The following PRKCQ variants were observed in gnomAD, a reference collection of about 807,000 sequenced individuals.
The protein encoded by PRKCQ is protein kinase C theta type.
Under a neutral mutation model 91.2 loss-of-function variants are expected in PRKCQ, and 41 were observed. That is an observed-to-expected ratio of 0.45 (90% CI 0.35 to 0.58). PRKCQ has a LOEUF of 0.58. Ranked by LOEUF, PRKCQ falls within the 20% of genes least tolerant of loss-of-function variation. The pLI is 0.00. For synonymous variants in PRKCQ, 307 were observed against 316.9 expected (o/e 0.97, Z 0.33); for missense variants, 673 against 896.5 (o/e 0.75, Z 3.18).
intron 1 of PRKCQ, among the ~76,000 whole-genome samples, chr10:6,518,533 T>C (rs915655941): frequency 1.3e-5 from 2 of 152,004 alleles, no homozygotes; most frequent in Admixed American, 6.6e-5. Flanking sequence ...AAATATATAA[T>C]AAAATAGTCT....
chr10:6,519,751 T>C (rs1838921925), intron 1 of PRKCQ, among the ~76,000 whole-genome samples: 1 of 152,160 alleles, frequency 6.6e-6, no homozygotes, highest in South Asian at 2.1e-4. Flanking sequence ...AAAGTGAACA[T>C]GGGATGTATG....
Position 6,479,029 on chromosome 10 carries a change from G to A in PRKCQ, c.1316C>T (p.Pro439Leu), listed in dbSNP as rs200951898. ...KRVLSLAWEH[P>L]FLTHMFCTFQ... is the part of the protein sequence containing the mutation. ...TGTACAAAACATGTGCGTCAGAAAC[G>A]GATGCTCCCAGGCCAAGGAAAGAAC... Residue 439 changes from proline to leucine, a missense_variant, in exon 12 of 18, where the codon CCG becomes CTG. Physicochemically the swap from Pro to Leu is moderately conservative, Grantham distance 98. Transcript: ENST00000263125. The A allele has an allele frequency of 3.7e-6, 6 of 1,614,164 alleles. No homozygotes were observed. The highest frequency in any genetic ancestry group is 5.1e-6 in the Non-Finnish European group (6 of 1,180,016).
chr10:6,419,029 TCTAC>T, the PRKCQ span, among the ~76,000 whole-genome samples: 42 of 139,136 alleles, frequency 3.0e-4, no homozygotes, highest in African/African-American at 1.0e-3. Context: ...CTATCATCTA[TCTAC>T]CTATCATCCA....
intron 1 of PRKCQ, among the ~76,000 whole-genome samples, chr10:6,570,532 C>G (rs1310822790): frequency 1.3e-5 from 2 of 149,396 alleles, no homozygotes; most frequent in Admixed American, 1.3e-4. Context: ...AGGTGAGCCT[C>G]AGACAGGAAC....
intron 1 of PRKCQ, among the ~76,000 whole-genome samples, chr10:6,557,901 G>A (rs1840482945): frequency 1.3e-5 from 2 of 151,944 alleles, no homozygotes; most frequent in South Asian, 2.1e-4. Context: ...AACCATCTAC[G>A]CAACAAGTCC....
At chr10:6,555,295 G>A (rs978160848) in intron 1 of PRKCQ, among the ~76,000 whole-genome samples, 13 of 151,908 alleles carry the variant, frequency 8.6e-5, no homozygotes, top group African/African-American at 3.1e-4. Context: ...AGTGACACAT[G>A]TAAACCTCCT....
chr10:6,534,370 A>G (rs570939362), intron 1 of PRKCQ, among the ~76,000 whole-genome samples: 9 of 152,322 alleles, frequency 5.9e-5, no homozygotes, highest in Admixed American at 3.9e-4. Flanking sequence ...TATTTATTCT[A>G]CTGAACATGA....
intron 1 of PRKCQ, among the ~76,000 whole-genome samples, chr10:6,577,792 C>T (rs1408926972): frequency 2.0e-5 from 3 of 152,140 alleles, no homozygotes; most frequent in African/African-American, 7.2e-5. Flanking sequence ...ACAGGAAGTA[C>T]TAACTCTAAT....
intron 1 of PRKCQ, among the ~76,000 whole-genome samples, chr10:6,519,989 T>C (rs1390119043): frequency 2.6e-5 from 4 of 152,238 alleles, no homozygotes; most frequent in Admixed American, 2.6e-4. Flanking sequence ...AGTTCTTTTC[T>C]ACTGTTCAGC....
At chr10:6,504,147 C>T (rs1838063644) in intron 4 of PRKCQ, among the ~76,000 whole-genome samples, 1 of 152,244 alleles carries the variant, frequency 6.6e-6, no homozygotes, top group African/African-American at 2.4e-5. Context: ...ATTTCATCTA[C>T]TCTACCATGA....
chr10:6,460,148 A>AATG (rs1835241761), intron 14 of PRKCQ, among the ~76,000 whole-genome samples: 1 of 152,254 alleles, frequency 6.6e-6, no homozygotes, highest in African/African-American at 2.4e-5. Context: ...GGTCTCCTGC[A>AATG]ACCTAATGAG....
At chr10:6,423,094 T>A (rs1180279019), downstream of PRKCQ, among the ~76,000 whole-genome samples, 1 of 152,162 alleles carries the variant, frequency 6.6e-6, no homozygotes, top group Non-Finnish European at 1.5e-5. Context: ...ACAGCTGGTG[T>A]GGTCAGCAAA....
chr10:6,502,086 A>G (rs1455103266), intron 4 of PRKCQ, among the ~76,000 whole-genome samples: 1 of 152,176 alleles, frequency 6.6e-6, no homozygotes, highest in Non-Finnish European at 1.5e-5. Context: ...GAAACTTGGC[A>G]CCACAGTTAA....
intron 1 of PRKCQ, among the ~76,000 whole-genome samples, chr10:6,571,051 G>T (rs1293358751): frequency 1.3e-5 from 2 of 152,090 alleles, no homozygotes; most frequent in African/African-American, 4.8e-5. Flanking sequence ...CTGTGGAGAA[G>T]CTGCCGTGGG....
intron 7 of PRKCQ, among the ~76,000 whole-genome samples, chr10:6,492,238 TA>T (rs5782902): frequency 0.37 from 54,646 of 147,156 alleles, 10,798 homozygotes; most frequent in South Asian, 0.46. Context: ...TTGGAAGATG[TA>T]AAAAAAAAAA....
At chr10:6,495,229 T>C (rs1409770904) in intron 7 of PRKCQ, among the ~76,000 whole-genome samples, 1 of 152,194 alleles carries the variant, frequency 6.6e-6, no homozygotes, top group Non-Finnish European at 1.5e-5. Flanking sequence ...AAAGTGGGCT[T>C]TCTACTACAA....
intron 1 of PRKCQ, among the ~76,000 whole-genome samples, chr10:6,548,317 C>A (rs1019967768): frequency 1.3e-5 from 2 of 151,970 alleles, no homozygotes; most frequent in African/African-American, 4.8e-5. Flanking sequence ...TTGTGGAAGT[C>A]AGTGTGGCGA....
At position 6,492,005 on chromosome 10, in the gene PRKCQ, G is replaced by A. The variant is rs577530817; in HGVS notation, c.661-193C>T. 3.2e-4 allele frequency among the ~76,000 whole-genome samples: 49 copies of A among 152,316 alleles called. 1 individual carries two copies. In the South Asian group the frequency reaches 9.9e-3, roughly 31 times the overall value. On this transcript the variant is annotated intron_variant, in intron 7 of 17. Transcript: ENST00000263125. ...AGGCAGGCAGCCTCAGCAACTGTACGTGACGGGGCATGCTTGCCTTCTGCA... is the reference window on the plus strand; with the variant it reads ...AGGCAGGCAGCCTCAGCAACTGTACATGACGGGGCATGCTTGCCTTCTGCA...
At position 6,576,844 on chromosome 10, in the gene PRKCQ, G is replaced by C. The variant is rs552433450; in HGVS notation, c.-10+3367C>G. 3.2e-4 allele frequency among the ~76,000 whole-genome samples: 49 copies of C among 152,198 alleles called. No individual in the cohort carries two copies. Among genetic ancestry groups the C allele is most frequent in the African/African-American group, 8.9e-4 (37 of 41,520 alleles). ...CTACCACTGACTGGTTATAAGACCT[G>C]GACAAGGGGCTCTACCCCTTGAGCC... On this transcript the variant is annotated intron_variant, in intron 1 of 17. Transcript: ENST00000263125. This position sits in a 1 kb window ranked among gnomAD's most constrained non-coding sequence, Gnocchi z 4.2.
Sources: gnomAD v4.1 joint callset for allele counts (sites outside exome capture counted in the v4.1 genomes callset) on GRCh38, gnomAD v4.1.1 for gene constraint, Gnocchi (gnomAD v3.1) non-coding constraint, MANE v1.5 for transcripts, NCBI Gene and HGNC (gene_info 2026-07-23, HGNC 2026-07-21) for gene names.